Variants in FBN3 observed in about 807,000 individuals in gnomAD.
FBN3 encodes fibrillin-3.
FBN3 carries 234 observed loss-of-function variants against 330.1 expected under a neutral mutation model. That is an observed-to-expected ratio of 0.71 (90% CI 0.64 to 0.79). The LOEUF is 0.79. FBN3 is among the 30% of genes least tolerant of loss of function. The pLI is 0.00. For missense variants in FBN3, 3,606 were observed against 3,886.9 expected, an observed-to-expected ratio of 0.93 and a Z score of 1.92; for synonymous variants, 1,458 against 1,517.3, an observed-to-expected ratio of 0.96 and a Z score of 0.91.
In FBN3 at chr19:8,072,184, C is replaced by G; in HGVS notation, c.7952G>C (p.Gly2651Ala). ...FRAGQGHCVS[G>A]LGFSPGPQDT... The stretch of plus-strand genomic sequence containing the variant: ...CTGGGGTCCGGGGCTGAAGCCCAGG[C>G]CGGAGACACAGTGCCTGGGCCAGGA... Residue 2651 changes from glycine (G) to alanine (A), a missense_variant, in exon 63 of 64, where the codon GGC becomes GCC. Transcript: ENST00000600128. The G allele has an allele frequency of 6.4e-7, 1 of 1,554,024 alleles. No individual in the cohort carries two copies. The highest frequency in any genetic ancestry group is 1.4e-5 in the African/African-American group (1 of 72,478).
chr19:8,130,611 A>AGGAAGGAAGGAAGGAAGGAAGGAAG (rs1271445703), intron 16 of FBN3, among the ~76,000 whole-genome samples: 1 of 15,478 alleles, frequency 6.5e-5, no homozygotes, highest in Non-Finnish European at 1.3e-4. Context: ...AAAGAAAGAA[A>AGGAAGGAAGGAAGGAAGGAAGGAAG]GAAAGAAAGA....
intron 46 of FBN3, 99 bp from the exon 47 acceptor site, chr19:8,094,664 G>A: frequency 7.1e-7 from 1 of 1,407,712 alleles, no homozygotes; most frequent in Non-Finnish European, 9.6e-7. Context: ...GATCACTGAG[G>A]GCCCCAGGAC....
In FBN3 at chr19:8,076,675, A is replaced by T. The variant is rs150767795; in HGVS notation, c.7454-1264T>A. On this transcript the variant is annotated intron_variant, in intron 59 of 63. Coordinates refer to ENST00000600128, the MANE Select transcript of FBN3 (RefSeq NM_032447.5). ...TATGTATACATACACATATATATAT[A>T]TTTTTCTTACTATTCTTATTTGCAT... Among the ~76,000 whole-genome samples the T allele has an allele frequency of 6.0e-3, 906 of 152,156 alleles. 10 individuals carry two copies. The highest frequency in any genetic ancestry group is 0.021 in the African/African-American group (855 of 41,500).
chr19:8,085,092 G>T (rs1281629464), intron 56 of FBN3, among the ~76,000 whole-genome samples: 1 of 152,168 alleles, frequency 6.6e-6, no homozygotes, highest in Non-Finnish European at 1.5e-5. Flanking sequence ...TCCAGCCTGG[G>T]TGTCAAAGTG....
Position 8,143,497 on chromosome 19 carries a change from C to CTTTTTTTT in FBN3, c.542-1368_542-1361dup, listed in dbSNP as rs557671451. 3.8e-4 allele frequency among the ~76,000 whole-genome samples: 48 copies of CTTTTTTTT among 126,074 alleles called. 2 individuals are homozygous for CTTTTTTTT. The highest frequency in any genetic ancestry group is 1.3e-3 in the African/African-American group (40 of 31,892). The allele number at this position is 126,074 out of a possible 152,430, so 82.7% of individuals were successfully genotyped here. ...CCGTTCTCCTTTTTTCTTTTCTTTT[C>CTTTTTTTT]TTTTTTTTTTTTTTTTTGAGACAGG... On this transcript the variant is annotated intron_variant, in intron 6 of 63. Transcript: ENST00000600128.
intron 59 of FBN3, among the ~76,000 whole-genome samples, chr19:8,075,974 T>G (rs12974407): frequency 0.58 from 87,485 of 151,886 alleles, 26,578 homozygotes; most frequent in African/African-American, 0.77. Context: ...GGTATTTGGA[T>G]ATTAGGTCTT....
intron 25 of FBN3, among the ~76,000 whole-genome samples, chr19:8,119,866 C>A (rs1335787081): frequency 7.6e-6 from 1 of 131,856 alleles, no homozygotes; most frequent in Non-Finnish European, 1.6e-5. Context: ...TGTTACCCAG[C>A]CTGGAGTGCA....
chr19:8,088,149 C>G lies in FBN3; in HGVS notation c.6407G>C (p.Cys2136Ser), dbSNP rs770770698. 6.8e-6 allele frequency: 11 copies of G among 1,610,088 alleles called. No homozygotes were observed. The Admixed American group carries it at 1.7e-4, about 24-fold the overall frequency. ...GACATTGGTGCATGTCCCTTGCCCA[C>G]AGGGGTGGCCGACAGAGCACTCGTC... is the stretch of plus-strand genomic sequence containing the variant. ...DTDECSVGHP[C>S]GQGTCTNVIG... The change falls in exon 52 of 64, where the codon TGT becomes TCT. Residue 2136 changes from cysteine to serine, a missense_variant. Transcript: ENST00000600128.
Position 8,126,732 on chromosome 19 carries a change from G to T in FBN3, c.2397C>A (p.Pro799=), listed in dbSNP as rs975469826. ...GCTCACCTAGACAGAAGGTACCAGAGGGGTCCAGCCGGCTGCCAGGGCCAC... is the reference window on the plus strand; with the variant it reads ...GCTCACCTAGACAGAAGGTACCAGATGGGTCCAGCCGGCTGCCAGGGCCAC... The part of the protein sequence containing the change: ...CKCGPGSRLD[P]SGTFCLDSTK... Residue 799 remains proline (P), a synonymous_variant, in exon 19 of 64, where the codon CCC becomes CCA. Transcript: ENST00000600128. 2 of 1,589,218 alleles carry T rather than the reference G, an allele frequency of 1.3e-6. No individual in the cohort carries two copies. The highest frequency in any genetic ancestry group is 1.7e-6 in the Non-Finnish European group (2 of 1,168,392).
At chr19:8,077,058 C>T (rs1462781519) in intron 59 of FBN3, among the ~76,000 whole-genome samples, 1 of 152,196 alleles carries the variant, frequency 6.6e-6, no homozygotes, top group Non-Finnish European at 1.5e-5. Context: ...ACCACTGCGC[C>T]CGGCCCAGTT....
Position 8,121,416 on chromosome 19 carries a change from C to T in FBN3, c.3083-30G>A, listed in dbSNP as rs540346606. 29 of 1,561,012 alleles carry T rather than the reference C, an allele frequency of 1.9e-5. No individual in the cohort carries two copies. The highest frequency in any genetic ancestry group is 3.8e-5 in the Admixed American group (2 of 53,232). On this transcript the variant is annotated intron_variant, in intron 24 of 63. Coordinates refer to ENST00000600128, the MANE Select transcript of FBN3 (RefSeq NM_032447.5). This position sits in a 1 kb window ranked among gnomAD's most constrained non-coding sequence, Gnocchi z 4.5. ...GGGGAGAGGGGGCAGAGGCCGGAGG[C>T]GCCATGTGGGCCGCATCATGGGGCA...
At position 8,096,738 on chromosome 19, in the gene FBN3, C is replaced by T; in HGVS notation, c.5413+143G>A. On this transcript the variant is annotated intron_variant, in intron 43 of 63. Transcript: ENST00000600128. The surrounding 1 kb of genome is among the most constrained non-coding windows in gnomAD (Gnocchi z 4.6). ...CCTGAGCTCTCACCTCTATCACATC[C>T]TATTAACAGACACTCTCAATACATC... 2 of 1,282,002 alleles carry T rather than the reference C, an allele frequency of 1.6e-6. No homozygotes were observed. The highest frequency in any genetic ancestry group is 2.2e-6 in the Non-Finnish European group (2 of 924,952). The allele number at this position is 1,282,002 out of a possible 1,614,324, so 79.4% of individuals were successfully genotyped here. A position where few individuals can be genotyped will look rare whatever the true frequency, so the allele number is the denominator to read the frequency against.
In FBN3 at chr19:8,141,736, G is replaced by A. The variant is rs1599446232; in HGVS notation, c.846C>T (p.Asp282=). 3 of 1,613,898 alleles carry A rather than the reference G, an allele frequency of 1.9e-6. No homozygotes were observed. The highest frequency in any genetic ancestry group is 1.7e-5 in the Admixed American group (1 of 59,968). ...CRCPVGHRLS[D]SSAACEDYRA... ...ACCCACCTTCACATGCGGCGCTGCT[G>A]TCACTGAGCCGGTGTCCAACTGGAC... The change falls in exon 8 of 64, where the codon GAC becomes GAT. Residue 282 remains aspartate (D), a synonymous_variant. Coordinates refer to ENST00000600128, the MANE Select transcript of FBN3 (RefSeq NM_032447.5).
intron 18 of FBN3, among the ~76,000 whole-genome samples, chr19:8,127,280 C>G (rs1015979248): frequency 1.3e-5 from 2 of 151,998 alleles, no homozygotes; most frequent in Non-Finnish European, 2.9e-5. Context: ...AGGCTGGTCT[C>G]AAACTCCCAA....
At position 8,073,150 on chromosome 19, in the gene FBN3, C is replaced by T. The variant is rs774056144; in HGVS notation, c.7850G>A (p.Arg2617Gln). ...GCQEVDECAG[R>Q]RGPCSYSCAN... ...ACAGCTGTAGCTACAGGGGCCACGCCGTCCGGCGCACTCATCCACCTCCTG... is the reference window on the plus strand; with the variant it reads ...ACAGCTGTAGCTACAGGGGCCACGCTGTCCGGCGCACTCATCCACCTCCTG... Residue 2617 changes from arginine to glutamine, a missense_variant, in exon 62 of 64, where the codon CGG (arginine) becomes CAG (glutamine). Coordinates refer to ENST00000600128, the MANE Select transcript of FBN3 (RefSeq NM_032447.5). 6.8e-6 allele frequency: 11 copies of T among 1,613,772 alleles called. No homozygotes were observed. Among genetic ancestry groups the T allele is most frequent in the East Asian group, 6.7e-5 (3 of 44,882 alleles).
intron 25 of FBN3, among the ~76,000 whole-genome samples, chr19:8,120,244 A>C (rs1230080345): frequency 7.3e-6 from 1 of 137,430 alleles, no homozygotes; most frequent in Admixed American, 7.6e-5. Flanking sequence ...ATCTCGGCTC[A>C]CTGCAACCTC....
rs189465017 is a variant in FBN3 at position 8,091,677 on chromosome 19, G to A, written c.5906-87C>T. On this transcript the variant is annotated intron_variant, in intron 47 of 63. Coordinates refer to ENST00000600128, the MANE Select transcript of FBN3 (RefSeq NM_032447.5). ...GACTCAGCTGTGAGAAGGGACAGAT[G>A]GAGTGCAGGTCCAGCCAGGGGCTGC... The A allele has an allele frequency of 2.5e-5, 37 of 1,486,860 alleles. No homozygotes were observed. In the Admixed American group the frequency reaches 3.7e-4, roughly 15 times the overall value. 92.1% of individuals were successfully genotyped at this position (1,486,860 alleles called of 1,614,324 possible). A position where few individuals can be genotyped will look rare whatever the true frequency, so the allele number is the denominator to read the frequency against.
At chr19:8,136,364 C>A in intron 11 of FBN3, 24 bp downstream of exon 11, 1 of 1,610,096 alleles carries the variant, frequency 6.2e-7, no homozygotes, top group Non-Finnish European at 8.5e-7. Context: ...GAACCGCCCC[C>A]CCTTCCACCT....
At position 8,117,469 on chromosome 19, in the gene FBN3, C is replaced by T. The variant is rs2082732308; in HGVS notation, c.3458G>A (p.Cys1153Tyr). ...GCAGGTGGGCACAGTCTCACCCACG[C>T]AGCCCTGGCGGTCAGGTGTGCTCTG... ...GFQSTPDRQG[C>Y]VDINECRVQN... is the part of the protein sequence containing the mutation. Residue 1153 changes from cysteine to tyrosine, a missense_variant, in exon 27 of 64, where the codon TGC (cysteine) becomes TAC (tyrosine). By Grantham distance (194) the Cys-to-Tyr change is radical. Transcript: ENST00000600128. 1.3e-6 allele frequency: 2 copies of T among 1,561,446 alleles called. No individual in the cohort carries two copies. Among genetic ancestry groups the T allele is most frequent in the South Asian group, 1.2e-5 (1 of 84,680 alleles).
Sources: allele counts gnomAD v4.1 joint callset (sites outside exome capture counted in the v4.1 genomes callset), GRCh38; gene constraint gnomAD v4.1.1; non-coding constraint Gnocchi (gnomAD v3.1); transcripts MANE v1.5; gene names NCBI Gene and HGNC (gene_info 2026-07-23, HGNC 2026-07-21).